KCNN2: variants seen among roughly 807,000 people sequenced by gnomAD.
The protein encoded by KCNN2 is small conductance calcium-activated potassium channel protein 2.
In KCNN2, 24 loss-of-function variants were observed where a neutral mutation model predicts 55.5. The ratio of observed to expected loss-of-function variants is 0.43; its 90% CI spans 0.31 to 0.61. The LOEUF is 0.61. KCNN2 is among the 20% of genes least tolerant of loss of function. The probability of loss-of-function intolerance (pLI) is 0.08; values close to 1 mark genes in which losing one functional copy is unlikely to be tolerated. For synonymous variants in KCNN2, 431 were observed against 336.1 expected, an observed-to-expected ratio of 1.28 and a Z score of -3.09; for missense variants, 754 against 853.6, an observed-to-expected ratio of 0.88 and a Z score of 1.45.
chr5:114,076,421 TA>T (rs1389537149), intron 1 of KCNN2, among the ~76,000 whole-genome samples: 2 of 152,112 alleles, frequency 1.3e-5, no homozygotes, highest in African/African-American at 4.8e-5. Flanking sequence ...AGAGGAATAA[TA>T]ACAAAAAGAG....
At chr5:114,071,253 G>A (rs971282586) in intron 1 of KCNN2, among the ~76,000 whole-genome samples, 8 of 152,162 alleles carry the variant, frequency 5.3e-5, no homozygotes, top group African/African-American at 1.9e-4. Flanking sequence ...ACACAGCCAG[G>A]AAAATTCCCT....
intron 4 of KCNN2, among the ~76,000 whole-genome samples, chr5:114,472,330 C>T (rs1353335407): frequency 2.0e-5 from 3 of 152,208 alleles, no homozygotes; most frequent in Non-Finnish European, 4.4e-5. Context: ...CACACAGAGT[C>T]TCTTTTTCAA....
At chr5:114,108,858 A>G (rs1233350009) in intron 1 of KCNN2, among the ~76,000 whole-genome samples, 1 of 152,098 alleles carries the variant, frequency 6.6e-6, no homozygotes. Context: ...TTGTGGGCAT[A>G]TGTATTACTT....
chr5:114,217,290 G>A (rs1319995345), intron 1 of KCNN2, among the ~76,000 whole-genome samples: 2 of 151,994 alleles, frequency 1.3e-5, no homozygotes, highest in Non-Finnish European at 2.9e-5. Flanking sequence ...ACCCACAACA[G>A]CCAACACAAT....
chr5:114,407,629 G>A (rs556151890), intron 3 of KCNN2, among the ~76,000 whole-genome samples: 1 of 152,252 alleles, frequency 6.6e-6, no homozygotes, highest in South Asian at 2.1e-4. Flanking sequence ...TTGAGTGGGG[G>A]ACATAGAACA....
chr5:114,293,346 A>C (rs1438768468), intron 2 of KCNN2, among the ~76,000 whole-genome samples: 1 of 152,080 alleles, frequency 6.6e-6, no homozygotes, highest in African/African-American at 2.4e-5. Flanking sequence ...GATAGCTCTT[A>C]TTATTTTGAG....
chr5:114,220,639 A>G (rs1754117638), intron 1 of KCNN2, among the ~76,000 whole-genome samples: 1 of 152,156 alleles, frequency 6.6e-6, no homozygotes, highest in African/African-American at 2.4e-5. Flanking sequence ...AAATCCTGGC[A>G]TTGAAAATTA....
chr5:114,158,988 C>T (rs1561501429), intron 1 of KCNN2, among the ~76,000 whole-genome samples: 2 of 152,048 alleles, frequency 1.3e-5, no homozygotes. Flanking sequence ...AATTGAATAC[C>T]CTTTATTTCT....
intron 2 of KCNN2, among the ~76,000 whole-genome samples, chr5:114,335,077 C>T (rs990690786): frequency 1.3e-5 from 2 of 152,166 alleles, no homozygotes; most frequent in Admixed American, 1.3e-4. Context: ...GCGCCCGCCT[C>T]CACGCCCGGC....
chr5:114,230,210 G>C (rs912890512), intron 2 of KCNN2, among the ~76,000 whole-genome samples: 1 of 151,578 alleles, frequency 6.6e-6, no homozygotes, highest in African/African-American at 2.4e-5. Flanking sequence ...TAAAGGATAA[G>C]CAGGATTCTT....
At chr5:114,486,881 A>T in intron 5 of KCNN2, 169 bp from the exon 6 acceptor site, 3 of 1,130,772 alleles carry the variant, frequency 2.7e-6, no homozygotes, top group Non-Finnish European at 2.5e-6. Flanking sequence ...AGGCAGGTAC[A>T]AGTACTTCTA....
intron 1 of KCNN2, among the ~76,000 whole-genome samples, chr5:114,205,791 T>C (rs570171880): frequency 6.6e-6 from 1 of 152,344 alleles, no homozygotes; most frequent in South Asian, 2.1e-4. Flanking sequence ...ACTTAAAATG[T>C]TCAGACTCTG....
At chr5:114,174,697 C>T (rs758218838) in intron 1 of KCNN2, among the ~76,000 whole-genome samples, 2 of 152,110 alleles carry the variant, frequency 1.3e-5, no homozygotes, top group African/African-American at 4.8e-5. Flanking sequence ...GTATATTTCC[C>T]TTCTCGATAA....
intron 1 of KCNN2, among the ~76,000 whole-genome samples, chr5:114,209,646 A>T (rs184271634): frequency 1.5e-4 from 23 of 152,284 alleles, no homozygotes; most frequent in African/African-American, 5.3e-4. Flanking sequence ...AAGTCTTGAC[A>T]TCATAATTGT....
At chr5:114,467,400 A>T (rs1346375452) in intron 4 of KCNN2, among the ~76,000 whole-genome samples, 1 of 152,208 alleles carries the variant, frequency 6.6e-6, no homozygotes, top group Non-Finnish European at 1.5e-5. Flanking sequence ...AGAATGTGCA[A>T]AACACTCAAG....
chr5:114,241,352 T>G (rs1008116834), intron 2 of KCNN2, among the ~76,000 whole-genome samples: 7 of 151,830 alleles, frequency 4.6e-5, no homozygotes, highest in Non-Finnish European at 1.0e-4. Context: ...GCCAAAACAT[T>G]TTGAATAAAA....
At chr5:114,130,916 A>G (rs1418911935) in intron 1 of KCNN2, among the ~76,000 whole-genome samples, 1 of 152,218 alleles carries the variant, frequency 6.6e-6, no homozygotes, top group African/African-American at 2.4e-5. Context: ...CTCTGTCTGC[A>G]TCAGATAGCT....
chr5:114,152,295 T>C (rs1375799634), intron 1 of KCNN2, among the ~76,000 whole-genome samples: 1 of 152,216 alleles, frequency 6.6e-6, no homozygotes, highest in African/African-American at 2.4e-5. Flanking sequence ...CAAATCTTCA[T>C]TTTAGCACAA....
chr5:114,490,550 C>G (rs1467767266), intron 6 of KCNN2: 2 of 393,810 alleles, frequency 5.1e-6, no homozygotes, highest in African/African-American at 4.1e-5. Context: ...CAAAATCCTG[C>G]AGAACCATAA....
Sources: gnomAD v4.1 joint callset for allele counts (sites outside exome capture counted in the v4.1 genomes callset) on GRCh38, gnomAD v4.1.1 for gene constraint, MANE v1.5 for transcripts, NCBI Gene and HGNC (gene_info 2026-07-23, HGNC 2026-07-21) for gene names.